The following PTK2 variants were observed in gnomAD, a reference collection of about 807,000 sequenced individuals.
PTK2 encodes the protein focal adhesion kinase 1.
Under a neutral mutation model 150.1 loss-of-function variants are expected in PTK2, and 45 were observed. The observed-to-expected ratio is 0.30, with a 90% confidence interval of 0.24 to 0.38. The LOEUF (loss-of-function observed/expected upper bound fraction) is 0.38, where lower values mean the gene tolerates loss of function less well. PTK2 is among the 10% of genes least tolerant of loss of function. The pLI is 1.00. For synonymous variants in PTK2, 432 were observed against 449.2 expected (o/e 0.96, Z 0.48); for missense variants, 919 against 1,307.3 (o/e 0.70, Z 4.58).
chr8:140,883,351 T>C (rs1158237549), intron 3 of PTK2, among the ~76,000 whole-genome samples: 1 of 152,114 alleles, frequency 6.6e-6, no homozygotes, highest in Non-Finnish European at 1.5e-5. Flanking sequence ...ATTAAGTGGT[T>C]TGTGGGGAGG....
chr8:140,681,859 C>G (rs890822215), intron 27 of PTK2, among the ~76,000 whole-genome samples: 4 of 152,148 alleles, frequency 2.6e-5, no homozygotes, highest in African/African-American at 9.7e-5. Context: ...AGGCTTTAAC[C>G]TATTTATGCT....
chr8:140,867,991 G>A (rs2100140342), intron 4 of PTK2, among the ~76,000 whole-genome samples: 1 of 152,084 alleles, frequency 6.6e-6, no homozygotes. Flanking sequence ...CCTGCTATAC[G>A]CCTCTCCATG....
chr8:140,962,282 AGGGAGGAAGGG>A (rs1569502545), intron 1 of PTK2, among the ~76,000 whole-genome samples: 1 of 100,250 alleles, frequency 1.0e-5, no homozygotes. Flanking sequence ...GGAGGAAGGG[AGGGAGGAAGGG>A]AGGGAGGGAG....
intron 1 of PTK2, among the ~76,000 whole-genome samples, chr8:140,926,991 G>C (rs1290850643): frequency 1.3e-5 from 2 of 152,200 alleles, no homozygotes; most frequent in African/African-American, 2.4e-5. Flanking sequence ...AGAAACTGCT[G>C]AGAGGTTAAC....
At chr8:140,821,267 A>G (rs2100108378) in intron 8 of PTK2, 1 of 152,260 alleles carries the variant, frequency 6.6e-6, no homozygotes, top group Non-Finnish European at 1.5e-5. Flanking sequence ...TCTTGCACAC[A>G]GAGGGTTGGG....
intron 10 of PTK2, among the ~76,000 whole-genome samples, chr8:140,814,107 G>T (rs1369053454): frequency 6.6e-6 from 1 of 152,192 alleles, no homozygotes; most frequent in African/African-American, 2.4e-5. Flanking sequence ...GAGCCAGGAA[G>T]AAACTGAAGC....
At chr8:140,969,993 G>T (rs142891375) in intron 1 of PTK2, among the ~76,000 whole-genome samples, 41 of 152,362 alleles carry the variant, frequency 2.7e-4, no homozygotes, top group Non-Finnish European at 5.0e-4. Context: ...GCAGCTGTAG[G>T]CTGATGTGCT....
chr8:140,945,191 A>G (rs2100177262), intron 1 of PTK2, among the ~76,000 whole-genome samples: 1 of 152,202 alleles, frequency 6.6e-6, no homozygotes, highest in Non-Finnish European at 1.5e-5. Flanking sequence ...ATGCGTAAAG[A>G]TTTTTCCGTA....
intron 1 of PTK2, among the ~76,000 whole-genome samples, chr8:140,992,571 T>C (rs2100196147): frequency 6.6e-6 from 1 of 152,184 alleles, no homozygotes; most frequent in African/African-American, 2.4e-5. Flanking sequence ...AGCAAGTTTC[T>C]AGATGATAGT....
At chr8:140,773,776 T>G (rs1393483006) in intron 14 of PTK2, among the ~76,000 whole-genome samples, 1 of 152,186 alleles carries the variant, frequency 6.6e-6, no homozygotes, top group Non-Finnish European at 1.5e-5. Flanking sequence ...ATTGTTTCCT[T>G]TTAAAGGAAA....
chr8:140,991,492 G>C lies in PTK2; in HGVS notation c.-122+9633C>G, dbSNP rs368509809. On this transcript the variant is annotated intron_variant, in intron 1 of 31. Transcript: ENST00000522684. ...ACATTCAAAATCCCTAACAAAAGCA[G>C]TTTTGAGATCTTTCCAAGATTTTGA... Among the ~76,000 whole-genome samples the C allele has an allele frequency of 2.6e-5, 4 of 152,148 alleles. No individual in the cohort carries two copies. In the East Asian group the frequency reaches 7.7e-4, roughly 29 times the overall value.
At chr8:140,821,468 A>C (rs552697265) in intron 8 of PTK2, 1 of 152,392 alleles carries the variant, frequency 6.6e-6, no homozygotes, top group South Asian at 2.1e-4. Context: ...TAGATGGAAC[A>C]AACAGGCAAA....
chr8:140,727,846 A>C (rs1363417262), intron 22 of PTK2, among the ~76,000 whole-genome samples: 1 of 152,190 alleles, frequency 6.6e-6, no homozygotes, highest in East Asian at 1.9e-4. Flanking sequence ...TTCAAATCTC[A>C]CAAGAACCCT....
intron 3 of PTK2, among the ~76,000 whole-genome samples, chr8:140,885,296 C>T (rs1273248209): frequency 6.6e-6 from 1 of 152,154 alleles, no homozygotes; most frequent in Non-Finnish European, 1.5e-5. Context: ...ATATTTCTCT[C>T]AGAAATATTC....
In PTK2 at chr8:140,882,371, A is replaced by T. The variant is rs541626528; in HGVS notation, c.196-2734T>A. ...TATCACACACACGTACATTTAGAAT[A>T]AAAATGACTGTCTCTAAAAGGATAA... On this transcript the variant is annotated intron_variant, in intron 3 of 31. Transcript: ENST00000522684. Among the ~76,000 whole-genome samples, 37 of 152,302 alleles carry T rather than the reference A, an allele frequency of 2.4e-4. 1 individual carries two copies. Among genetic ancestry groups the T allele is most frequent in the African/African-American group, 8.7e-4 (36 of 41,570 alleles).
intron 14 of PTK2, among the ~76,000 whole-genome samples, chr8:140,777,788 A>G (rs1463426971): frequency 6.6e-6 from 1 of 152,172 alleles, no homozygotes; most frequent in African/African-American, 2.4e-5. Flanking sequence ...GACATCAGAG[A>G]GCTGAAAACT....
Position 140,818,869 on chromosome 8 carries a change from C to A in PTK2, c.789+11G>T. 1.2e-6 allele frequency: 2 copies of A among 1,611,418 alleles called. No homozygotes were observed. The highest frequency in any genetic ancestry group is 1.7e-6 in the Non-Finnish European group (2 of 1,178,916). On this transcript the variant is annotated intron_variant, in intron 9 of 31. Transcript: ENST00000522684. ...AAACTAGCCCACTATTTCCCATATT[C>A]CCATACTTACACCAAGAGCACACTT...
intron 8 of PTK2, among the ~76,000 whole-genome samples, chr8:140,823,136 T>C (rs1187002145): frequency 6.6e-6 from 1 of 152,212 alleles, no homozygotes; most frequent in Non-Finnish European, 1.5e-5. Flanking sequence ...CAAGGAACAG[T>C]TGTCAACTGA....
intron 2 of PTK2, among the ~76,000 whole-genome samples, chr8:140,896,791 G>GGGGT: frequency 8.5e-6 from 1 of 118,326 alleles, no homozygotes; most frequent in Non-Finnish European, 2.1e-5. Context: ...AAAAAAACGG[G>GGGGT]GGGGGGGGGT....
Sources: allele counts gnomAD v4.1 joint callset (sites outside exome capture counted in the v4.1 genomes callset), GRCh38; gene constraint gnomAD v4.1.1; transcripts MANE v1.5; gene names NCBI Gene and HGNC (gene_info 2026-07-23, HGNC 2026-07-21).